The following VPS13B variants were observed in gnomAD, a reference collection of about 807,000 sequenced individuals.
VPS13B encodes the protein intermembrane lipid transfer protein VPS13B.
A neutral mutation model predicts 426.4 loss-of-function variants in VPS13B; 285 were observed. The observed-to-expected ratio is 0.67, with a 90% CI of 0.61 to 0.74. VPS13B has a LOEUF of 0.74. VPS13B is among the 30% of genes least tolerant of loss of function. The pLI, the probability that VPS13B is intolerant of heterozygous loss-of-function variation, is 0.00. For missense variants in VPS13B, 4,537 were observed against 4,782.6 expected (o/e 0.95, Z 1.51); for synonymous variants, 1,676 against 1,676.4 (o/e 1.00, Z 0.01).
rs905604141 is a variant in VPS13B at position 99,227,789 on chromosome 8, CTT to C, written c.2515+34734_2515+34735del. Among the ~76,000 whole-genome samples, 8 of 152,224 alleles carry C rather than the reference CTT, an allele frequency of 5.3e-5. 1 individual carries two copies. The South Asian group carries it at 1.2e-3, about 24-fold the overall frequency. On this transcript the variant is annotated intron_variant, in intron 17 of 61. Transcript: ENST00000357162. ...TGTACATGATATCCACACAAGAACT[CTT>C]TGTACTGTTGGTGGTAGTGTTATAC...
intron 3 of VPS13B, among the ~76,000 whole-genome samples, chr8:99,055,099 A>G (rs958897559): frequency 2.0e-5 from 3 of 146,378 alleles, no homozygotes; most frequent in Non-Finnish European, 4.5e-5. Flanking sequence ...ATGCAGTGGC[A>G]TGATCTCAGC....
intron 21 of VPS13B, among the ~76,000 whole-genome samples, chr8:99,423,138 G>T (rs1044176206): frequency 3.3e-5 from 5 of 151,488 alleles, no homozygotes; most frequent in African/African-American, 1.2e-4. Flanking sequence ...CTTTTTTGCT[G>T]TTACAGAAAT....
At chr8:99,111,373 T>C in intron 6 of VPS13B, 94 bp downstream of exon 6, 1 of 1,049,292 alleles carries the variant, frequency 9.5e-7, no homozygotes, top group Non-Finnish European at 1.4e-6. Context: ...ATGAAGAAAT[T>C]AACCTTGTAA....
At chr8:99,853,404 GA>G (rs766762720) in intron 55 of VPS13B, 46 bp from the exon 56 acceptor site, 1 of 1,599,726 alleles carries the variant, frequency 6.3e-7, no homozygotes, top group South Asian at 1.1e-5. Context: ...AAGAGAGAAA[GA>G]AAAGGTGAGT....
chr8:99,720,768 T>C, intron 38 of VPS13B, 95 bp from the exon 39 acceptor site: 2 of 1,286,488 alleles, frequency 1.6e-6, no homozygotes, highest in South Asian at 2.6e-5. Flanking sequence ...AGCTTCTTTA[T>C]ATCTTTTATT....
chr8:99,524,956 T>A (rs1048294108), intron 30 of VPS13B, among the ~76,000 whole-genome samples: 2 of 152,172 alleles, frequency 1.3e-5, no homozygotes, highest in African/African-American at 4.8e-5. Flanking sequence ...TTCATACATG[T>A]TGTAGCAGAA....
Position 99,115,878 on chromosome 8 carries a change from A to G in VPS13B, c.937+4A>G, listed in dbSNP as rs747875300. 1 of 1,610,772 alleles carries G rather than the reference A, an allele frequency of 6.2e-7. No individual in the cohort carries two copies. Among genetic ancestry groups the G allele is most frequent in the East Asian group, 2.2e-5 (1 of 44,722 alleles). Reference sequence around the variant, plus strand: ...GATATGCTAGGAAACATTACAGGTAATGTAAAACTTTATTAAACAAAAACT... The same window carrying G: ...GATATGCTAGGAAACATTACAGGTAGTGTAAAACTTTATTAAACAAAAACT... On this transcript the variant is annotated splice_donor_region_variant and intron_variant, in intron 7 of 61. Coordinates refer to ENST00000357162, the MANE Select transcript of VPS13B (RefSeq NM_152564.5).
At chr8:99,340,222 C>G (rs916332097) in intron 19 of VPS13B, 4 of 189,930 alleles carry the variant, frequency 2.1e-5, no homozygotes, top group African/African-American at 9.6e-5. Flanking sequence ...GTAAATAAGA[C>G]CCAGCACCTT....
At chr8:99,711,167 CTG>C (rs1486079960) in intron 36 of VPS13B, among the ~76,000 whole-genome samples, 2 of 152,190 alleles carry the variant, frequency 1.3e-5, no homozygotes, top group South Asian at 2.1e-4. Context: ...CTACAGATAA[CTG>C]TGTTCCCTCA....
intron 19 of VPS13B, among the ~76,000 whole-genome samples, chr8:99,360,204 CTCTCTCTT>C (rs1173613878): frequency 0.032 from 1,100 of 34,130 alleles, 103 homozygotes; most frequent in African/African-American, 0.13. Flanking sequence ...CTCTCTCTCT[CTCTCTCTT>C]TCTTTCTTTC....
At chr8:99,766,632 C>G (rs1811242048) in intron 39 of VPS13B, 142 bp from the exon 40 acceptor site, 3 of 716,668 alleles carry the variant, frequency 4.2e-6, no homozygotes, top group Non-Finnish European at 6.7e-6. Flanking sequence ...GAAAAGAAAT[C>G]CTAAACTACT....
chr8:99,208,897 A>G (rs1196465072), intron 17 of VPS13B, among the ~76,000 whole-genome samples: 2 of 152,240 alleles, frequency 1.3e-5, no homozygotes, highest in Non-Finnish European at 2.9e-5. Context: ...AAGCTGTTGA[A>G]GATATTTTTA....
chr8:99,180,494 T>C (rs1812891054), intron 16 of VPS13B, among the ~76,000 whole-genome samples: 2 of 152,130 alleles, frequency 1.3e-5, no homozygotes, highest in African/African-American at 2.4e-5. Context: ...TTTCAGATAA[T>C]GGTGAGTAAT....
At chr8:99,090,376 C>G (rs532210321) in intron 3 of VPS13B, among the ~76,000 whole-genome samples, 38 of 151,798 alleles carry the variant, frequency 2.5e-4, no homozygotes, top group Admixed American at 1.2e-3. Context: ...CAAGTGATTC[C>G]CCTGCCTCAG....
At position 99,088,570 on chromosome 8, in the gene VPS13B, A is replaced by T. The variant is rs540768529; in HGVS notation, c.292-7742A>T. 1.4e-4 allele frequency among the ~76,000 whole-genome samples: 21 copies of T among 152,302 alleles called. 1 individual carries two copies. The South Asian group carries it at 4.3e-3, about 32-fold the overall frequency. ...TTCAATTTGAGGTGCTCACATAAAA[A>T]AATTTTTTCTCAGTGCTACTTCCCT... is the stretch of plus-strand genomic sequence containing the variant. On this transcript the variant is annotated intron_variant, in intron 3 of 61. Coordinates refer to ENST00000357162, the MANE Select transcript of VPS13B (RefSeq NM_152564.5).
At chr8:99,362,202 G>A (rs1453461940) in intron 19 of VPS13B, among the ~76,000 whole-genome samples, 1 of 149,004 alleles carries the variant, frequency 6.7e-6, no homozygotes, top group Non-Finnish European at 1.5e-5. Context: ...GAGTGCAGTG[G>A]CGCGATCTGG....
intron 34 of VPS13B, among the ~76,000 whole-genome samples, chr8:99,654,341 C>A (rs1192702342): frequency 6.6e-6 from 1 of 152,112 alleles, no homozygotes; most frequent in East Asian, 1.9e-4. Flanking sequence ...AGCCACCACG[C>A]CCGGCTGACA....
At chr8:99,235,674 A>G (rs1015523478) in intron 17 of VPS13B, among the ~76,000 whole-genome samples, 1 of 152,206 alleles carries the variant, frequency 6.6e-6, no homozygotes, top group Admixed American at 6.5e-5. Context: ...GGAATTGCTA[A>G]TTATTTTCTT....
chr8:99,538,265 T>C (rs1823366878), intron 30 of VPS13B, among the ~76,000 whole-genome samples: 1 of 152,188 alleles, frequency 6.6e-6, no homozygotes, highest in Admixed American at 6.5e-5. Flanking sequence ...TACATGTTCT[T>C]TGTTATTCTG....
Sources: gnomAD v4.1 joint callset for allele counts (sites outside exome capture counted in the v4.1 genomes callset) on GRCh38, gnomAD v4.1.1 for gene constraint, MANE v1.5 for transcripts, NCBI Gene and HGNC (gene_info 2026-07-23, HGNC 2026-07-21) for gene names.